Variants in VPS8 observed in about 807,000 individuals in gnomAD.
VPS8 encodes VPS8 subunit of CORVET complex.
VPS8 carries 129 observed loss-of-function variants against 216.4 expected under a neutral mutation model. The observed-to-expected ratio is 0.60, with a 90% CI of 0.52 to 0.69. VPS8 has a LOEUF of 0.69. Ranked by LOEUF, VPS8 falls within the 30% of genes least tolerant of loss-of-function variation. The probability of loss-of-function intolerance (pLI) is 0.00; values close to 1 mark genes in which losing one functional copy is unlikely to be tolerated. For missense variants in VPS8, 1,531 were observed against 1,683.5 expected (o/e 0.91, Z 1.59); for synonymous variants, 571 against 565.4 (o/e 1.01, Z -0.14).
chr3:184,844,925 CTT>C (rs1028778667), intron 8 of VPS8, among the ~76,000 whole-genome samples: 1 of 152,174 alleles, frequency 6.6e-6, no homozygotes, highest in African/African-American at 2.4e-5. Context: ...AGGCAAAACT[CTT>C]TGTCAACTCA....
At chr3:184,859,498 A>G (rs1725881082) in intron 14 of VPS8, among the ~76,000 whole-genome samples, 1 of 152,178 alleles carries the variant, frequency 6.6e-6, no homozygotes, top group African/African-American at 2.4e-5. Context: ...TTTGGTGCAG[A>G]CAATTTTTGA....
At chr3:184,815,225 A>C (rs1716054229) in intron 1 of VPS8, among the ~76,000 whole-genome samples, 1 of 152,238 alleles carries the variant, frequency 6.6e-6, no homozygotes, top group South Asian at 2.1e-4. Flanking sequence ...AAAGATAAAA[A>C]GTATAGGATA....
At chr3:185,005,438 C>T (rs919887269) in intron 45 of VPS8, among the ~76,000 whole-genome samples, 3 of 152,204 alleles carry the variant, frequency 2.0e-5, no homozygotes, top group African/African-American at 7.2e-5. Flanking sequence ...ATGGGAATTG[C>T]ATTGAATCTG....
intron 40 of VPS8, among the ~76,000 whole-genome samples, chr3:184,979,735 A>ATAG (rs1749877186): frequency 6.6e-6 from 1 of 152,148 alleles, no homozygotes; most frequent in African/African-American, 2.4e-5. Flanking sequence ...CATACTATTG[A>ATAG]GTCTTGCTTC....
intron 14 of VPS8, among the ~76,000 whole-genome samples, chr3:184,856,627 A>G (rs966001868): frequency 3.9e-5 from 6 of 152,132 alleles, no homozygotes; most frequent in African/African-American, 1.4e-4. Flanking sequence ...TCTACCTCCA[A>G]AAATCTCTTG....
At chr3:184,859,774 C>T (rs1446557086) in intron 14 of VPS8, among the ~76,000 whole-genome samples, 1 of 152,152 alleles carries the variant, frequency 6.6e-6, no homozygotes, top group Non-Finnish European at 1.5e-5. Flanking sequence ...TAGACCACCC[C>T]CAGATATGCC....
chr3:185,020,652 G>A (rs1031239647), intron 45 of VPS8, among the ~76,000 whole-genome samples: 38 of 152,030 alleles, frequency 2.5e-4, no homozygotes, highest in Admixed American at 2.5e-3. Context: ...TAAATTTTTT[G>A]TGGAAATGGG....
At chr3:185,035,666 A>G (rs1758781996) in intron 46 of VPS8, among the ~76,000 whole-genome samples, 2 of 152,190 alleles carry the variant, frequency 1.3e-5, no homozygotes, top group South Asian at 4.1e-4. Flanking sequence ...TGAACAGCCA[A>G]AAGCTCGAAC....
intron 17 of VPS8, among the ~76,000 whole-genome samples, chr3:184,867,622 G>C (rs1727601307): frequency 6.6e-6 from 1 of 152,172 alleles, no homozygotes. Flanking sequence ...TTGGCGGGCA[G>C]ATCACATGAG....
intron 45 of VPS8, among the ~76,000 whole-genome samples, chr3:185,004,870 G>A (rs1754018709): frequency 6.6e-6 from 1 of 151,214 alleles, no homozygotes; most frequent in African/African-American, 2.4e-5. Context: ...AGTTTAATTA[G>A]GTTCCATTTA....
In VPS8 at chr3:185,042,265, A is replaced by G. The variant is rs138157501; in HGVS notation, c.4057-6214A>G. Among the ~76,000 whole-genome samples the G allele has an allele frequency of 8.8e-3, 1,345 of 152,268 alleles. 7 individuals are homozygous for G. Among genetic ancestry groups the G allele is most frequent in the Non-Finnish European group, 0.014 (951 of 68,022 alleles). On this transcript the variant is annotated intron_variant, in intron 46 of 47. Transcript: ENST00000625842. ...TTTTGAGGTTTTTTTCTGGCAAGCTATTACTATTAAATCAGCCACGTATTT... is the reference window on the plus strand; with the variant it reads ...TTTTGAGGTTTTTTTCTGGCAAGCTGTTACTATTAAATCAGCCACGTATTT...
At chr3:184,979,345 G>T (rs1749812039) in intron 40 of VPS8, among the ~76,000 whole-genome samples, 1 of 152,128 alleles carries the variant, frequency 6.6e-6, no homozygotes, top group Non-Finnish European at 1.5e-5. Context: ...TTCAGGTCCT[G>T]AGTATCTTTG....
At chr3:184,884,741 G>A (rs979712758) in intron 21 of VPS8, among the ~76,000 whole-genome samples, 8 of 151,890 alleles carry the variant, frequency 5.3e-5, no homozygotes, top group African/African-American at 1.9e-4. Context: ...CTTCTTTCTG[G>A]CATTAAAACC....
chr3:184,886,613 C>G (rs1010157994), intron 22 of VPS8, among the ~76,000 whole-genome samples: 1 of 151,442 alleles, frequency 6.6e-6, no homozygotes, highest in East Asian at 1.9e-4. Context: ...GGAATCTCGC[C>G]CTGTCACCCA....
chr3:184,855,915 T>A (rs1560404086), intron 14 of VPS8, 97 bp downstream of exon 14: 1 of 932,740 alleles, frequency 1.1e-6, no homozygotes, highest in Non-Finnish European at 1.6e-6. Flanking sequence ...CTATCCTAAG[T>A]CTTTGGAGAG....
At chr3:185,005,247 A>G (rs995357772) in intron 45 of VPS8, among the ~76,000 whole-genome samples, 1 of 152,184 alleles carries the variant, frequency 6.6e-6, no homozygotes, top group African/African-American at 2.4e-5. Context: ...CTATTTTTAT[A>G]CCAGTACCAT....
chr3:184,928,576 T>C (rs746561502), intron 32 of VPS8, 43 bp downstream of exon 32: 1 of 1,327,846 alleles, frequency 7.5e-7, no homozygotes, highest in African/African-American at 1.5e-5. Flanking sequence ...CATAGAAATA[T>C]TAAATTATAT....
At chr3:184,819,476 A>G (rs536394987) in intron 1 of VPS8, among the ~76,000 whole-genome samples, 22 of 152,330 alleles carry the variant, frequency 1.4e-4, no homozygotes, top group South Asian at 2.1e-4. Flanking sequence ...TTCATTATCA[A>G]CCTTTTACTG....
chr3:184,997,728 G>C (rs1013640195), intron 44 of VPS8, among the ~76,000 whole-genome samples: 9 of 152,116 alleles, frequency 5.9e-5, no homozygotes, highest in African/African-American at 2.2e-4. Context: ...TGTTTGGTGG[G>C]GGGTGCAGAT....
Sources: gnomAD v4.1 joint callset for allele counts (sites outside exome capture counted in the v4.1 genomes callset) on GRCh38, gnomAD v4.1.1 for gene constraint, MANE v1.5 for transcripts, NCBI Gene and HGNC (gene_info 2026-07-23, HGNC 2026-07-21) for gene names.